The following RB1CC1 variants were observed in gnomAD, a reference collection of about 807,000 sequenced individuals.
RB1CC1 encodes the protein RB1 inducible coiled-coil 1, also known as RB1-inducible coiled-coil protein 1.
A neutral mutation model predicts 177.5 loss-of-function variants in RB1CC1; 46 were observed. That is an observed-to-expected ratio of 0.26 (90% CI 0.20 to 0.33). The LOEUF is 0.33. Ranked by LOEUF, RB1CC1 falls within the 10% of genes least tolerant of loss-of-function variation. RB1CC1 has a pLI of 1.00. For synonymous variants in RB1CC1, 666 were observed against 613.6 expected (o/e 1.09, Z -1.26); for missense variants, 1,703 against 1,816.3 (o/e 0.94, Z 1.13).
At chr8:52,697,264 CAAT>C (rs1407287436) in intron 1 of RB1CC1, among the ~76,000 whole-genome samples, 1 of 134,160 alleles carries the variant, frequency 7.5e-6, no homozygotes, top group Non-Finnish European at 1.6e-5. Flanking sequence ...TTCCACAGAA[CAAT>C]GACTCTGTTT....
chr8:52,652,486 T>C (rs530517146), intron 15 of RB1CC1, among the ~76,000 whole-genome samples: 206 of 150,364 alleles, frequency 1.4e-3, no homozygotes, highest in Non-Finnish European at 2.1e-3. Flanking sequence ...AAAAGTCTTA[T>C]GTATGCCACC....
chr8:52,630,264 A>G (rs1848663335), intron 21 of RB1CC1, among the ~76,000 whole-genome samples: 1 of 152,186 alleles, frequency 6.6e-6, no homozygotes, highest in Admixed American at 6.5e-5. Context: ...ATAATGCTAT[A>G]ACTGGAAAGT....
intron 20 of RB1CC1, among the ~76,000 whole-genome samples, chr8:52,630,966 T>C (rs1045510513): frequency 9.9e-5 from 15 of 152,278 alleles, no homozygotes; most frequent in South Asian, 4.1e-4. Flanking sequence ...GCCGTCACAA[T>C]TGCAAGAGAA....
intron 18 of RB1CC1, among the ~76,000 whole-genome samples, chr8:52,641,077 C>T (rs536110571): frequency 5.3e-5 from 8 of 152,084 alleles, no homozygotes; most frequent in South Asian, 2.1e-4. Flanking sequence ...CACCTTCTCA[C>T]GGGTGCTCAT....
intron 1 of RB1CC1, among the ~76,000 whole-genome samples, chr8:52,700,789 A>G (rs1450092724): frequency 6.6e-6 from 1 of 152,254 alleles, no homozygotes; most frequent in Non-Finnish European, 1.5e-5. Flanking sequence ...GTAAACATGT[A>G]TACACAAAAA....
intron 6 of RB1CC1, among the ~76,000 whole-genome samples, chr8:52,675,048 C>A (rs1852970635): frequency 6.6e-6 from 1 of 152,044 alleles, no homozygotes; most frequent in Admixed American, 6.6e-5. Flanking sequence ...AATATGAAAT[C>A]CTGGTGATTT....
chr8:52,675,900 A>G (rs1853081669), intron 6 of RB1CC1, among the ~76,000 whole-genome samples: 1 of 151,166 alleles, frequency 6.6e-6, no homozygotes, highest in East Asian at 1.9e-4. Flanking sequence ...AAAAAAAAAA[A>G]AAAAAAGAAA....
chr8:52,651,137 G>C (rs1225520167), intron 15 of RB1CC1, among the ~76,000 whole-genome samples: 1 of 152,200 alleles, frequency 6.6e-6, no homozygotes, highest in Non-Finnish European at 1.5e-5. Flanking sequence ...ACAAGAGGAG[G>C]GACAATGTGG....
chr8:52,701,483 C>T (rs1017970435), intron 1 of RB1CC1, among the ~76,000 whole-genome samples: 1 of 152,110 alleles, frequency 6.6e-6, no homozygotes, highest in Non-Finnish European at 1.5e-5. Flanking sequence ...TACTGCTTTG[C>T]CTGAACACTC....
rs1563387991 is a variant in RB1CC1, at chr8:52,656,951, C to T, written c.2878G>A (p.Glu960Lys). 2 of 1,613,492 alleles carry T rather than the reference C, an allele frequency of 1.2e-6. No homozygotes were observed. Among genetic ancestry groups the T allele is most frequent in the Non-Finnish European group, 1.7e-6 (2 of 1,179,932 alleles). ...TCAACATGGAGCTTTTTTAAGTCTT[C>T]TAACACTATTTCTCGTGACTGCTTC... is the stretch of plus-strand genomic sequence containing the variant. ...ELKQSREIVL[E>K]DLKKLHVEND... Residue 960 changes from glutamate to lysine, a missense_variant, in exon 15 of 24, where the codon GAA becomes AAA. By Grantham distance (56) the Glu-to-Lys change is moderately conservative. Around this residue, in one of 6 missense-constraint regions of RB1CC1, gnomAD observed 1,169 missense variants for 1,184.7 expected, o/e 0.99. Coordinates refer to ENST00000025008, the MANE Select transcript of RB1CC1 (RefSeq NM_014781.5).
intron 6 of RB1CC1, among the ~76,000 whole-genome samples, chr8:52,675,901 A>G (rs1853081909): frequency 6.6e-6 from 1 of 151,200 alleles, no homozygotes; most frequent in Non-Finnish European, 1.5e-5. Context: ...AAAAAAAAAA[A>G]AAAAAGAAAA....
At chr8:52,678,245 C>T (rs1270998669) in intron 5 of RB1CC1, among the ~76,000 whole-genome samples, 4 of 151,980 alleles carry the variant, frequency 2.6e-5, no homozygotes, top group African/African-American at 9.7e-5. Context: ...TGGTGAAACC[C>T]ATCTCTACCA....
chr8:52,657,679 A>G lies in RB1CC1; in HGVS notation c.2150T>C (p.Val717Ala). ...TGCTAATGAATCCAAGTCTAAAGAA[A>G]CTTGGTGAATAGTCTGTTCTATGTT... ...HPNIEQTIHQ[V>A]SLDLDSLAES... Residue 717 changes from valine (V) to alanine (A), a missense_variant, in exon 15 of 24, where the codon GTT becomes GCT. Coordinates refer to ENST00000025008, the MANE Select transcript of RB1CC1 (RefSeq NM_014781.5). 1 of 1,614,150 alleles carries G rather than the reference A, an allele frequency of 6.2e-7. No individual in the cohort carries two copies. The highest frequency in any genetic ancestry group is 8.5e-7 in the Non-Finnish European group (1 of 1,180,002).
chr8:52,693,097 T>C (rs935433073), intron 1 of RB1CC1, among the ~76,000 whole-genome samples: 6 of 152,176 alleles, frequency 3.9e-5, no homozygotes, highest in African/African-American at 1.4e-4. Flanking sequence ...CGGAATCCCT[T>C]CCTTACACCA....
chr8:52,635,108 T>C lies in RB1CC1; in HGVS notation c.4393-140A>G, dbSNP rs976267888. ...TGATGGGGATATTATTTTCTATGAA[T>C]TCTTTCCAAATGTTTTCATTATCTA... is the stretch of plus-strand genomic sequence containing the variant. On this transcript the variant is annotated intron_variant, in intron 19 of 23. Transcript: ENST00000025008. 270 of 708,978 alleles carry C rather than the reference T, an allele frequency of 3.8e-4. 3 individuals carry two copies. Among genetic ancestry groups the C allele is most frequent in the Admixed American group, 6.5e-4 (20 of 30,848 alleles). The allele number at this position is 708,978 out of a possible 1,614,324, so 43.9% of individuals were successfully genotyped here. A position where few individuals can be genotyped will look rare whatever the true frequency, so the allele number is the denominator to read the frequency against.
rs567376242 is a variant in RB1CC1, at chr8:52,623,468, A to G, written c.*314T>C. On this transcript the variant is annotated 3_prime_UTR_variant, in exon 24 of 24. Transcript: ENST00000025008. ...AGTGTATATTTAACAGGCAATTAATATGGCTCATCATAAGCCACAATGCAC... is the reference window on the plus strand; with the variant it reads ...AGTGTATATTTAACAGGCAATTAATGTGGCTCATCATAAGCCACAATGCAC... 18 of 371,644 alleles carry G rather than the reference A, an allele frequency of 4.8e-5. No individual in the cohort carries two copies. Among genetic ancestry groups the G allele is most frequent in the African/African-American group, 3.6e-4 (17 of 47,612 alleles). 23.0% of individuals were successfully genotyped at this position (371,644 alleles called of 1,614,324 possible).
rs146568218 is a variant in RB1CC1 at position 52,628,702 on chromosome 8, A to G, written c.4500-534T>C. Among the ~76,000 whole-genome samples, 201 of 152,324 alleles carry G rather than the reference A, an allele frequency of 1.3e-3. 1 individual carries two copies. Among genetic ancestry groups the G allele is most frequent in the African/African-American group, 4.6e-3 (190 of 41,582 alleles). On this transcript the variant is annotated intron_variant, in intron 21 of 23. Transcript: ENST00000025008. ...TTGGGGTATAAGCCCGAAAGAAGAC[A>G]GGGAAAGAGAGAAGTGGGTACAACC...
chr8:52,684,585 A>G (rs1424114590), intron 3 of RB1CC1, among the ~76,000 whole-genome samples: 1 of 152,200 alleles, frequency 6.6e-6, no homozygotes, highest in East Asian at 1.9e-4. Context: ...CTGTCAAGCC[A>G]GAGAATTATT....
intron 8 of RB1CC1, among the ~76,000 whole-genome samples, chr8:52,663,327 C>CTAA (rs1362409689): frequency 1.3e-5 from 2 of 151,634 alleles, no homozygotes; most frequent in Non-Finnish European, 2.9e-5. Context: ...TCCAGTGTTA[C>CTAA]ACAGCTTCAT....
Sources: allele counts gnomAD v4.1 joint callset (sites outside exome capture counted in the v4.1 genomes callset), GRCh38; gene constraint gnomAD v4.1.1; regional missense constraint gnomAD v4.1.1; transcripts MANE v1.5; gene names NCBI Gene and HGNC (gene_info 2026-07-23, HGNC 2026-07-21).